C18orf63: variants seen among roughly 807,000 people sequenced by gnomAD.
The protein encoded by C18orf63 is chromosome 18 open reading frame 63, also known as uncharacterized protein C18orf63.
A neutral mutation model predicts 75.3 loss-of-function variants in C18orf63; 50 were observed. The ratio of observed to expected loss-of-function variants is 0.66; its 90% CI spans 0.53 to 0.84. The LOEUF (loss-of-function observed/expected upper bound fraction) is 0.84, where lower values mean the gene tolerates loss of function less well. Among genes scored for constraint, C18orf63 ranks in the 40% least tolerant of loss-of-function variants. The pLI, the probability that C18orf63 is intolerant of heterozygous loss-of-function variation, is 0.00. For missense variants in C18orf63, 732 were observed against 800.2 expected, an observed-to-expected ratio of 0.91 and a Z score of 1.03; for synonymous variants, 232 against 267.6, an observed-to-expected ratio of 0.87 and a Z score of 1.30.
chr18:74,331,425 C>T (rs915983469), intron 7 of C18orf63, among the ~76,000 whole-genome samples: 4 of 152,186 alleles, frequency 2.6e-5, no homozygotes. Flanking sequence ...TAGCACCTAG[C>T]ATAGAACCTT....
At chr18:74,347,200 C>T (rs114795890) in intron 11 of C18orf63, among the ~76,000 whole-genome samples, 69 of 152,228 alleles carry the variant, frequency 4.5e-4, no homozygotes, top group African/African-American at 1.5e-3. Flanking sequence ...GTCGCAGATT[C>T]GGTTCTCTAG....
chr18:74,325,312 T>C (rs752048469), intron 4 of C18orf63, among the ~76,000 whole-genome samples: 2 of 152,212 alleles, frequency 1.3e-5, no homozygotes, highest in Non-Finnish European at 1.5e-5. Context: ...AAGTGTGTTA[T>C]ATAGTTTCCA....
intron 2 of C18orf63, among the ~76,000 whole-genome samples, 194 bp downstream of exon 2, chr18:74,318,193 T>C (rs984474609): frequency 2.0e-5 from 3 of 152,202 alleles, no homozygotes; most frequent in Non-Finnish European, 4.4e-5. Context: ...ATACTTGCAA[T>C]AGAATTATCT....
chr18:74,338,936 A>G, intron 8 of C18orf63, 112 bp downstream of exon 8: 1 of 407,234 alleles, frequency 2.5e-6, no homozygotes, highest in Non-Finnish European at 4.3e-6. Context: ...GGTGAATTTT[A>G]AAATACTGAA....
chr18:74,348,844 G>A (rs1984617664), intron 11 of C18orf63, among the ~76,000 whole-genome samples: 1 of 151,984 alleles, frequency 6.6e-6, no homozygotes, highest in African/African-American at 2.4e-5. Context: ...TTCCCCCTTT[G>A]AGCTATTTAC....
intron 1 of C18orf63, among the ~76,000 whole-genome samples, chr18:74,317,033 C>T (rs1434886931): frequency 6.6e-6 from 1 of 152,230 alleles, no homozygotes; most frequent in Non-Finnish European, 1.5e-5. Context: ...CCTCAGATGA[C>T]ACCACAAACT....
chr18:74,354,188 T>C lies in C18orf63; in HGVS notation c.1921T>C (p.Cys641Arg). The change falls in exon 12 of 14, where the codon TGT (cysteine) becomes CGT (arginine). Residue 641 changes from cysteine to arginine, a missense_variant. Coordinates refer to ENST00000579455, the MANE Select transcript of C18orf63 (RefSeq NM_001174123.2). ...AGCCCACAGGTCTAAAAGAAAATTATGTCCAGAGTCTTCCAAAACTTCAAA... is the reference window on the plus strand; with the variant it reads ...AGCCCACAGGTCTAAAAGAAAATTACGTCCAGAGTCTTCCAAAACTTCAAA... ...KIAHRSKRKL[C>R]PESSKTSKKH... 2 of 1,536,390 alleles carry C rather than the reference T, an allele frequency of 1.3e-6. No homozygotes were observed. Among genetic ancestry groups the C allele is most frequent in the Non-Finnish European group, 1.7e-6 (2 of 1,146,952 alleles).
Position 74,328,980 on chromosome 18 carries a change from T to C in C18orf63, c.383-15T>C, listed in dbSNP as rs759291888. The C allele has an allele frequency of 8.8e-5, 126 of 1,434,412 alleles. No individual in the cohort carries two copies. The South Asian group carries it at 1.3e-3, about 15-fold the overall frequency. The allele number at this position is 1,434,412 out of a possible 1,614,324, so 88.9% of individuals were successfully genotyped here. A position where few individuals can be genotyped will look rare whatever the true frequency, so the allele number is the denominator to read the frequency against. ...TGAGTTGTAATAACATGGCATATTC[T>C]ATGAATTTTTTAAGGAAGAGATTTT... On this transcript the variant is annotated splice_polypyrimidine_tract_variant and intron_variant, in intron 5 of 13. Transcript: ENST00000579455.
intron 4 of C18orf63, among the ~76,000 whole-genome samples, chr18:74,324,375 A>G (rs1051990408): frequency 7.9e-5 from 12 of 152,186 alleles, no homozygotes; most frequent in African/African-American, 2.4e-4. Context: ...ATTTATTTCA[A>G]TGTTAATATT....
At chr18:74,345,394 A>C (rs1479052425) in intron 11 of C18orf63, among the ~76,000 whole-genome samples, 1 of 151,978 alleles carries the variant, frequency 6.6e-6, no homozygotes, top group Non-Finnish European at 1.5e-5. Context: ...TTTATAATCA[A>C]AATGATCAGT....
chr18:74,356,379 T>A (rs1051807401), intron 13 of C18orf63, 102 bp from the exon 14 acceptor site: 1 of 152,484 alleles, frequency 6.6e-6, no homozygotes, highest in African/African-American at 2.4e-5. Flanking sequence ...TTATAGAAAA[T>A]AATTTCCCCT....
intron 11 of C18orf63, among the ~76,000 whole-genome samples, chr18:74,345,134 T>C (rs562247029): frequency 6.6e-6 from 1 of 152,266 alleles, no homozygotes; most frequent in South Asian, 2.1e-4. Flanking sequence ...TTTTCCCGAT[T>C]ATTAATGAAA....
At chr18:74,353,106 T>C in intron 11 of C18orf63, 140 bp from the exon 12 acceptor site, 1 of 642,702 alleles carries the variant, frequency 1.6e-6, no homozygotes, top group Non-Finnish European at 2.6e-6. Context: ...GGCTCATTTT[T>C]ATTTTGTTTT....
intron 11 of C18orf63, among the ~76,000 whole-genome samples, chr18:74,351,626 C>T (rs919984709): frequency 1.3e-5 from 2 of 152,182 alleles, no homozygotes; most frequent in African/African-American, 4.8e-5. Context: ...CTAAGCCAAG[C>T]CAACCCCCAG....
chr18:74,338,935 TA>T (rs1261595853), intron 8 of C18orf63, 111 bp downstream of exon 8: 5 of 407,818 alleles, frequency 1.2e-5, no homozygotes, highest in Non-Finnish European at 2.2e-5. Flanking sequence ...TGGTGAATTT[TA>T]AAATACTGAA....
intron 7 of C18orf63, among the ~76,000 whole-genome samples, chr18:74,332,244 A>G (rs969287325): frequency 6.6e-6 from 1 of 152,186 alleles, no homozygotes; most frequent in Non-Finnish European, 1.5e-5. Context: ...AAGGCATCAC[A>G]TAGCAAGAGG....
intron 13 of C18orf63, among the ~76,000 whole-genome samples, chr18:74,355,442 G>A (rs559311723): frequency 6.6e-6 from 1 of 152,044 alleles, no homozygotes; most frequent in Admixed American, 6.5e-5. Flanking sequence ...TAGAAATATA[G>A]CACTTTCCCA....
At chr18:74,328,925 A>G in intron 5 of C18orf63, 70 bp from the exon 6 acceptor site, 1 of 843,424 alleles carries the variant, frequency 1.2e-6, no homozygotes, top group Admixed American at 2.1e-5. Context: ...CACATCAAGC[A>G]TAGTTATAAA....
chr18:74,351,727 T>C (rs1199501495), intron 11 of C18orf63, among the ~76,000 whole-genome samples: 2 of 152,228 alleles, frequency 1.3e-5, no homozygotes, highest in East Asian at 1.9e-4. Flanking sequence ...ATTGGATTAG[T>C]CTCTTACTTG....
Sources: gnomAD v4.1 joint callset for allele counts (sites outside exome capture counted in the v4.1 genomes callset) on GRCh38, gnomAD v4.1.1 for gene constraint, MANE v1.5 for transcripts, NCBI Gene and HGNC (gene_info 2026-07-23, HGNC 2026-07-21) for gene names.